GSE1: variants seen among roughly 807,000 people sequenced by gnomAD.
GSE1 encodes Gse1 coiled-coil protein.
GSE1 carries 32 observed loss-of-function variants against 112.6 expected under a neutral mutation model. The ratio of observed to expected loss-of-function variants is 0.28; its 90% CI spans 0.21 to 0.38. The LOEUF (loss-of-function observed/expected upper bound fraction) is 0.38, where lower values mean the gene tolerates loss of function less well. GSE1 is among the 10% of genes least tolerant of loss of function. The probability of loss-of-function intolerance (pLI) is 1.00; values close to 1 mark genes in which losing one functional copy is unlikely to be tolerated. For missense variants in GSE1, 2,348 were observed against 1,699.2 expected, an observed-to-expected ratio of 1.38 and a Z score of -6.71; for synonymous variants, 1,115 against 735.6, an observed-to-expected ratio of 1.52 and a Z score of -8.35.
intron 1 of GSE1, chr16:85,285,800 C>G (rs2045007431): frequency 6.6e-6 from 1 of 152,236 alleles, no homozygotes; most frequent in African/African-American, 2.4e-5. Flanking sequence ...TCCCTGTCCA[C>G]AGTAAAGGCT....
upstream of GSE1, among the ~76,000 whole-genome samples, chr16:85,609,401 C>A (rs1186125522): frequency 6.6e-6 from 1 of 152,204 alleles, no homozygotes; most frequent in Non-Finnish European, 1.5e-5. Flanking sequence ...ACCCAGCTAA[C>A]CCTGGCCTCT....
chr16:85,613,801 T>C (rs2151561668), intron 1 of GSE1, among the ~76,000 whole-genome samples: 1 of 97,674 alleles, frequency 1.0e-5, no homozygotes, highest in African/African-American at 4.0e-5. Context: ...AGGGAGCGAA[T>C]GGGGGTGGCT....
Position 85,667,956 on chromosome 16 carries a change from G to A in GSE1, c.3131-184G>A, listed in dbSNP as rs150361031. 6.3e-3 allele frequency among the ~76,000 whole-genome samples: 452 copies of A among 72,282 alleles called. 4 individuals carry two copies. Among genetic ancestry groups the A allele is most frequent in the African/African-American group, 0.021 (376 of 17,682 alleles). 47.4% of individuals were successfully genotyped at this position (72,282 alleles called of 152,430 possible). Reference sequence around the variant, plus strand: ...GGCTGCGTTGTCTCCTGGCTGTCTCGGACTTTCTCAAGTGGCCCAGAGGCC... The same window carrying A: ...GGCTGCGTTGTCTCCTGGCTGTCTCAGACTTTCTCAAGTGGCCCAGAGGCC... On this transcript the variant is annotated intron_variant, in intron 13 of 15. Transcript: ENST00000253458.
intron 2 of GSE1, among the ~76,000 whole-genome samples, chr16:85,454,782 G>A (rs2049779501): frequency 6.6e-6 from 1 of 152,136 alleles, no homozygotes; most frequent in African/African-American, 2.4e-5. Context: ...TCATCATGCA[G>A]CCTTCTATGG....
At chr16:85,290,332 G>A (rs1023072209) in intron 1 of GSE1, among the ~76,000 whole-genome samples, 1 of 152,206 alleles carries the variant, frequency 6.6e-6, no homozygotes, top group African/African-American at 2.4e-5. Context: ...CCCCCAACCT[G>A]GAGTGCGGCA....
chr16:85,656,095 C>G lies in GSE1; in HGVS notation c.989+178C>G, dbSNP rs567248342. ...CTCTGCTCTGAAATAGCGCCTGTCT[C>G]GGTAGCCGTGGTCTCCTGCAGTAAA... On this transcript the variant is annotated intron_variant, in intron 6 of 15. Coordinates refer to ENST00000253458, the MANE Select transcript of GSE1 (RefSeq NM_014615.5). 2.6e-5 allele frequency among the ~76,000 whole-genome samples: 4 copies of G among 152,292 alleles called. No homozygotes were observed. In the East Asian group the frequency reaches 5.8e-4, roughly 22 times the overall value.
intron 1 of GSE1, among the ~76,000 whole-genome samples, chr16:85,176,137 C>T (rs567807842): frequency 8.6e-4 from 131 of 152,290 alleles, no homozygotes; most frequent in South Asian, 8.3e-4. Context: ...CATAGGTGTG[C>T]GCCACCATGC....
intron 4 of GSE1, 28 bp from the exon 5 acceptor site, chr16:85,654,766 C>G (rs767729130): frequency 6.7e-7 from 1 of 1,483,220 alleles, no homozygotes; most frequent in Non-Finnish European, 9.4e-7. Context: ...TCACCTGTCC[C>G]CACCTTGCCC....
At chr16:85,555,053 T>C, upstream of GSE1, 2 of 985,282 alleles carry the variant, frequency 2.0e-6, no homozygotes, top group Non-Finnish European at 1.2e-6. Flanking sequence ...ACTATTATTA[T>C]CGCCCTGCGA....
chr16:85,629,102 C>T (rs2049318856), intron 1 of GSE1, among the ~76,000 whole-genome samples: 1 of 152,246 alleles, frequency 6.6e-6, no homozygotes, highest in African/African-American at 2.4e-5. Flanking sequence ...GTGCTGGCTT[C>T]CCTCGCCTTC....
At chr16:85,421,382 G>A (rs778589213) in intron 2 of GSE1, among the ~76,000 whole-genome samples, 8 of 152,094 alleles carry the variant, frequency 5.3e-5, no homozygotes, top group Non-Finnish European at 7.4e-5. Flanking sequence ...CTCAGCACCG[G>A]GAGATGCACC....
rs772047977 is a variant in GSE1, at chr16:85,668,194, A to C, written c.3185A>C (p.His1062Pro). 6.2e-7 allele frequency: 1 copy of C among 1,610,324 alleles called. No homozygotes were observed. Among genetic ancestry groups the C allele is most frequent in the African/African-American group, 1.3e-5 (1 of 74,858 alleles). ...EQNHKVDTSV[H>P]YNIPELQSSS... ...AACCACAAGGTTGACACGTCCGTCC[A>C]CTACAACATTCCTGAGCTGCAGTCC... Residue 1062 changes from histidine to proline, a missense_variant, in exon 14 of 16, where the codon CAC (histidine) becomes CCC (proline). Transcript: ENST00000253458.
At position 85,331,365 on chromosome 16, in the gene GSE1, G is replaced by GTGTGTGTA. The variant is rs1555563679; in HGVS notation, c.2284-26097_2284-26096insGTGTGTAT. On this transcript the variant is annotated intron_variant, in intron 1 of 2. Coordinates refer to the GSE1 transcript ENST00000637419. ...TGTGTGTGTGTGTGTGTGTGTGTGT[G>GTGTGTGTA]TATATATGTATATATATGTATATAT... Among the ~76,000 whole-genome samples, 9 of 101,144 alleles carry GTGTGTGTA rather than the reference G, an allele frequency of 8.9e-5. No homozygotes were observed. The East Asian group carries it at 1.1e-3, about 12-fold the overall frequency. The allele number at this position is 101,144 out of a possible 152,430, so 66.4% of individuals were successfully genotyped here. A position where few individuals can be genotyped will look rare whatever the true frequency, so the allele number is the denominator to read the frequency against.
intron 1 of GSE1, among the ~76,000 whole-genome samples, chr16:85,284,651 G>A (rs577601857): frequency 6.6e-6 from 1 of 152,222 alleles, no homozygotes; most frequent in Non-Finnish European, 1.5e-5. Context: ...TTAAACGCCC[G>A]CTGCTGGGAG....
At chr16:85,628,292 G>T (rs1442388081) in intron 1 of GSE1, among the ~76,000 whole-genome samples, 1 of 152,252 alleles carries the variant, frequency 6.6e-6, no homozygotes, top group African/African-American at 2.4e-5. Flanking sequence ...CCGCTTCCCA[G>T]GCTCACAGCT....
chr16:85,447,736 A>T (rs540621887), intron 2 of GSE1, among the ~76,000 whole-genome samples: 77 of 152,212 alleles, frequency 5.1e-4, no homozygotes, highest in Non-Finnish European at 8.1e-4. Context: ...GAGAAGAAAG[A>T]CTGGCAGTGA....
intron 2 of GSE1, among the ~76,000 whole-genome samples, chr16:85,410,020 T>C (rs373509493): frequency 2.4e-4 from 3 of 12,760 alleles, no homozygotes; most frequent in East Asian, 2.5e-3. Flanking sequence ...TAATCCTCAC[T>C]GTTACACTCA....
intron 2 of GSE1, among the ~76,000 whole-genome samples, chr16:85,375,983 A>G (rs1006926847): frequency 2.6e-5 from 4 of 152,120 alleles, no homozygotes; most frequent in Non-Finnish European, 5.9e-5. Flanking sequence ...GCTGCAGCCC[A>G]GCAGTTCTGA....
In GSE1 at chr16:85,170,050, C is replaced by T. The variant is rs1597705686; in HGVS notation, c.526C>T (p.Leu176=). 3.1e-5 allele frequency: 31 copies of T among 984,808 alleles called. No homozygotes were observed. The South Asian group carries it at 3.3e-4, about 10-fold the overall frequency. 61.0% of individuals were successfully genotyped at this position (984,808 alleles called of 1,614,324 possible). Residue 176 remains leucine, a synonymous_variant, in exon 1 of 3, where the codon CTG becomes TTG. Coordinates refer to the GSE1 transcript ENST00000637419. The stretch of plus-strand genomic sequence containing the variant: ...GACGCGAGACTCCGACCTGTCGGAG[C>T]TGTCGGACACCGACCCCCTTTCCGA...
Sources: allele counts gnomAD v4.1 joint callset (sites outside exome capture counted in the v4.1 genomes callset), GRCh38; gene constraint gnomAD v4.1.1; transcripts MANE v1.5; gene names NCBI Gene and HGNC (gene_info 2026-07-23, HGNC 2026-07-21).